The following ADRA1A variants were observed in gnomAD, a reference collection of about 807,000 sequenced individuals.
ADRA1A encodes the protein alpha-1A adrenergic receptor.
Under a neutral mutation model 29.6 loss-of-function variants are expected in ADRA1A, and 31 were observed. The observed-to-expected ratio is 1.05, with a 90% CI of 0.79 to 1.41. ADRA1A has a LOEUF of 1.41. Among genes scored for constraint, ADRA1A ranks in the 40% most tolerant of loss-of-function variants. The pLI, the probability that ADRA1A is intolerant of heterozygous loss-of-function variation, is 0.00. For missense variants in ADRA1A, 619 were observed against 601.1 expected (o/e 1.03, Z -0.31); for synonymous variants, 311 against 254.3 (o/e 1.22, Z -2.12).
intron 2 of ADRA1A, among the ~76,000 whole-genome samples, chr8:26,800,488 C>A (rs1808495287): frequency 6.6e-6 from 1 of 151,988 alleles, no homozygotes; most frequent in Non-Finnish European, 1.5e-5. Context: ...CCAAAATGAC[C>A]ATCCTTGAAC....
At chr8:26,757,093 CT>C in intron 2 of ADRA1A, 2 of 702,706 alleles carry the variant, frequency 2.8e-6, no homozygotes, top group Non-Finnish European at 5.2e-6. Context: ...TCCGTTCATC[CT>C]TGCAGCTGCT....
chr8:26,853,809 T>C lies in ADRA1A; in HGVS notation c.883+10278A>G, dbSNP rs970288767. On this transcript the variant is annotated intron_variant, in intron 2 of 2. Coordinates refer to ENST00000380573, the MANE Select transcript of ADRA1A (RefSeq NM_000680.4). ...CTCTGAGCATCCCTGAGAAGGCACATTCAATGAAAAAACATGAAAATATTT... is the reference window on the plus strand; with the variant it reads ...CTCTGAGCATCCCTGAGAAGGCACACTCAATGAAAAAACATGAAAATATTT... 9 of 152,150 alleles carry C rather than the reference T, an allele frequency of 5.9e-5. No individual in the cohort carries two copies. In the East Asian group the frequency reaches 1.7e-3, roughly 29 times the overall value. 9.4% of individuals were successfully genotyped at this position (152,150 alleles called of 1,614,324 possible). A position where few individuals can be genotyped will look rare whatever the true frequency, so the allele number is the denominator to read the frequency against.
At chr8:26,818,451 G>T (rs544311359) in intron 2 of ADRA1A, among the ~76,000 whole-genome samples, 1 of 152,218 alleles carries the variant, frequency 6.6e-6, no homozygotes, top group South Asian at 2.1e-4. Flanking sequence ...AACTGCACTT[G>T]CTGCTTCCTA....
At chr8:26,793,852 A>G (rs1807998806) in intron 2 of ADRA1A, among the ~76,000 whole-genome samples, 1 of 152,162 alleles carries the variant, frequency 6.6e-6, no homozygotes, top group South Asian at 2.1e-4. Context: ...TTCATGCTAT[A>G]TAAGTATTTT....
Position 26,864,387 on chromosome 8 carries a change from G to A in ADRA1A, c.583C>T (p.Leu195=). ...VLFSALGSFY[L]PLAIILVMYC... is the part of the protein sequence containing the mutation. ...ATGACCAGGATGATGGCCAGAGGCAGGTAGAAGGAGCCCAGCGCTGAGAAG... is the reference window on the plus strand; with the variant it reads ...ATGACCAGGATGATGGCCAGAGGCAAGTAGAAGGAGCCCAGCGCTGAGAAG... The change falls in exon 2 of 3, where the codon CTG becomes TTG. Residue 195 remains leucine (L), a synonymous_variant. Transcript: ENST00000380573. The surrounding 1 kb of genome is among the most constrained non-coding windows in gnomAD (Gnocchi z 8.1). The A allele has an allele frequency of 1.2e-6, 2 of 1,613,810 alleles. No homozygotes were observed. The highest frequency in any genetic ancestry group is 1.7e-6 in the Non-Finnish European group (2 of 1,180,012).
chr8:26,826,630 C>A (rs979566369), intron 2 of ADRA1A, among the ~76,000 whole-genome samples: 2 of 152,020 alleles, frequency 1.3e-5, no homozygotes, highest in Admixed American at 1.3e-4. Flanking sequence ...CCAGTCTGAC[C>A]CCTGCGGTGC....
At chr8:26,790,060 C>A (rs6992572) in intron 2 of ADRA1A, among the ~76,000 whole-genome samples, 51,616 of 151,966 alleles carry the variant, frequency 0.34, 10,120 homozygotes, top group East Asian at 0.84. Context: ...CCTCAAAAAA[C>A]CAAATACAAG....
chr8:26,770,294 C>G lies in ADRA1A; in HGVS notation c.1256G>C (p.Cys419Ser). 1 of 1,614,218 alleles carries G rather than the reference C, an allele frequency of 6.2e-7. No homozygotes were observed. Among genetic ancestry groups the G allele is most frequent in the Non-Finnish European group, 8.5e-7 (1 of 1,180,034 alleles). The change falls in exon 3 of 3, where the codon TGT (cysteine) becomes TCT (serine). Residue 419 changes from cysteine to serine, a missense_variant. Physicochemically the swap from Cys to Ser is moderately radical, Grantham distance 112 (BLOSUM62 -1). Coordinates refer to ENST00000380573, the MANE Select transcript of ADRA1A (RefSeq NM_000680.4). ...TTTACTTCTCACCCGGGCTGTGGTA[C>G]AGGAGGATTGGTCTTTGGACACTGT... ...RITVSKDQSS[C>S]TTARVRSKSF...
rs1052935138 is a variant in ADRA1A, at chr8:26,848,935, G to A, written c.883+15152C>T. Among the ~76,000 whole-genome samples the A allele has an allele frequency of 6.6e-6, 1 of 152,122 alleles. No individual in the cohort carries two copies. The highest frequency in any genetic ancestry group is 1.5e-5 in the Non-Finnish European group (1 of 68,020). ...GGACTGAAGGAGAGAATCGCACTGC[G>A]GGTGACCCACTTCTGCTTCACACTC... On this transcript the variant is annotated intron_variant, in intron 2 of 2. Coordinates refer to ENST00000380573, the MANE Select transcript of ADRA1A (RefSeq NM_000680.4). The surrounding 1 kb of genome is among the most constrained non-coding windows in gnomAD (Gnocchi z 4.3).
intron 2 of ADRA1A, among the ~76,000 whole-genome samples, chr8:26,800,489 A>G (rs1481354138): frequency 6.6e-6 from 1 of 152,188 alleles, no homozygotes; most frequent in Non-Finnish European, 1.5e-5. Context: ...CAAAATGACC[A>G]TCCTTGAACC....
chr8:26,865,998 G>A lies in ADRA1A; in HGVS notation c.-686-343C>T, dbSNP rs1178442517. Among the ~76,000 whole-genome samples the A allele has an allele frequency of 6.6e-6, 1 of 152,228 alleles. No individual in the cohort carries two copies. Among genetic ancestry groups the A allele is most frequent in the Non-Finnish European group, 1.5e-5 (1 of 68,042 alleles). ...ATTAAAATCCTCGAAGCCCCGGAGG[G>A]GCGACTGCGGCTGGCGAGTGTGTCG... is the stretch of plus-strand genomic sequence containing the variant. On this transcript the variant is annotated intron_variant, in intron 1 of 2. Transcript: ENST00000380573. This position sits in a 1 kb window ranked among gnomAD's most constrained non-coding sequence, Gnocchi z 7.6.
Position 26,770,371 on chromosome 8 carries a change from G to T in ADRA1A, c.1179C>A (p.Gly393=). The change falls in exon 3 of 3, where the codon GGC becomes GGA. Residue 393 remains glycine, a synonymous_variant. Transcript: ENST00000380573. The part of the protein sequence containing the change: ...ETFYRISKTD[G]VCEWKFFSSM... ...AAGAGAAAAATTTCCATTCACAAAC[G>T]CCATCCGTCTTGGAGATCCTGTAGA... 2.5e-6 allele frequency: 4 copies of T among 1,614,178 alleles called. No individual in the cohort carries two copies. Among genetic ancestry groups the T allele is most frequent in the Non-Finnish European group, 3.4e-6 (4 of 1,180,026 alleles).
At chr8:26,797,192 A>T (rs991621622) in intron 2 of ADRA1A, among the ~76,000 whole-genome samples, 66 of 152,344 alleles carry the variant, frequency 4.3e-4, no homozygotes, top group African/African-American at 1.6e-3. Context: ...AAAAATGTAG[A>T]ACAATATTAC....
intron 2 of ADRA1A, among the ~76,000 whole-genome samples, chr8:26,850,025 C>CAAAAAACA (rs141672591): frequency 6.6e-5 from 8 of 121,554 alleles, no homozygotes; most frequent in South Asian, 2.6e-4. Flanking sequence ...GAGAGAAATG[C>CAAAAAACA]AAAAACAAAA....
rs931268984 is a variant in ADRA1A at position 26,807,337 on chromosome 8, G to A, written c.884-36671C>T. On this transcript the variant is annotated intron_variant, in intron 2 of 2. Coordinates refer to ENST00000380573, the MANE Select transcript of ADRA1A (RefSeq NM_000680.4). ...AGAAGGTACAAGAATCAAGAAGGGT[G>A]ACAAGCACATGGGTGGCTAAAAATA... Among the ~76,000 whole-genome samples, 3 of 152,326 alleles carry A rather than the reference G, an allele frequency of 2.0e-5. No individual in the cohort carries two copies. In the South Asian group the frequency reaches 6.2e-4, roughly 32 times the overall value.
exon 3 of ADRA1A, chr8:26,756,658 T>C: frequency 6.2e-7 from 1 of 1,606,862 alleles, no homozygotes; most frequent in Non-Finnish European, 8.5e-7. Context: ...CCTGGGCTCC[T>C]GGGGTGGATT....
At chr8:26,808,602 C>T (rs1437721163) in intron 2 of ADRA1A, among the ~76,000 whole-genome samples, 2 of 152,176 alleles carry the variant, frequency 1.3e-5, no homozygotes, top group Non-Finnish European at 2.9e-5. Flanking sequence ...TTACAATCAA[C>T]AGCAACTCTA....
chr8:26,860,979 C>CT lies in ADRA1A; in HGVS notation c.883+3107dup, dbSNP rs1195179199. Among the ~76,000 whole-genome samples the CT allele has an allele frequency of 1.3e-5, 2 of 152,260 alleles. No homozygotes were observed. Among genetic ancestry groups the CT allele is most frequent in the East Asian group, 1.9e-4 (1 of 5,176 alleles). The stretch of plus-strand genomic sequence containing the variant: ...GAGTTGTCTATTTTCCCTGTTCCCA[C>CT]TTTTTTTATCCTTTGTTCTTTCTAG... On this transcript the variant is annotated intron_variant, in intron 2 of 2. Transcript: ENST00000380573. This position sits in a 1 kb window ranked among gnomAD's most constrained non-coding sequence, Gnocchi z 4.7.
chr8:26,864,176 G>C lies in ADRA1A; in HGVS notation c.794C>G (p.Ser265Cys). 1 of 1,614,146 alleles carries C rather than the reference G, an allele frequency of 6.2e-7. No individual in the cohort carries two copies. The stretch of plus-strand genomic sequence containing the variant: ...CGTTTTGGCCGCTTTCTTCTCCCGG[G>C]AGAACTTGAGGAGCCTCACTGAGAA... ...THFSVRLLKF[S>C]REKKAAKTLG... The change falls in exon 2 of 3, where the codon TCC becomes TGC. Residue 265 changes from serine to cysteine, a missense_variant. Physicochemically the swap from Ser to Cys is moderately radical, Grantham distance 112 (BLOSUM62 -1). Coordinates refer to ENST00000380573, the MANE Select transcript of ADRA1A (RefSeq NM_000680.4). The surrounding 1 kb of genome is among the most constrained non-coding windows in gnomAD (Gnocchi z 8.1).
Sources: gnomAD v4.1 joint callset for allele counts (sites outside exome capture counted in the v4.1 genomes callset) on GRCh38, gnomAD v4.1.1 for gene constraint, Gnocchi (gnomAD v3.1) non-coding constraint, MANE v1.5 for transcripts, NCBI Gene and HGNC (gene_info 2026-07-23, HGNC 2026-07-21) for gene names.